SUMF1: variants seen among roughly 807,000 people sequenced by gnomAD.
The protein encoded by SUMF1 is formylglycine-generating enzyme.
A neutral mutation model predicts 47.6 loss-of-function variants in SUMF1; 48 were observed. The observed-to-expected ratio is 1.01, with a 90% CI of 0.80 to 1.28. The LOEUF is 1.28. Among genes scored for constraint, SUMF1 ranks in the 50% most tolerant of loss-of-function variants. The pLI is 0.00. For synonymous variants in SUMF1, 230 were observed against 192.1 expected (o/e 1.20, Z -1.63); for missense variants, 571 against 485.4 (o/e 1.18, Z -1.66).
At chr3:4,456,055 A>C (rs1703150172) in intron 1 of SUMF1, among the ~76,000 whole-genome samples, 1 of 152,228 alleles carries the variant, frequency 6.6e-6, no homozygotes, top group Non-Finnish European at 1.5e-5. Flanking sequence ...CCTAGGATCA[A>C]AGGATGATTC....
intron 8 of SUMF1, among the ~76,000 whole-genome samples, chr3:4,366,870 G>C (rs1699980498): frequency 2.6e-5 from 4 of 152,118 alleles, no homozygotes. Flanking sequence ...GGTGTTTGAT[G>C]ATGGTGATGT....
At chr3:4,176,128 A>G (rs1370172956) in intron 8 of SUMF1, among the ~76,000 whole-genome samples, 1 of 152,198 alleles carries the variant, frequency 6.6e-6, no homozygotes, top group African/African-American at 2.4e-5. Context: ...GATATTATCC[A>G]GGAGAACTTT....
intron 8 of SUMF1, among the ~76,000 whole-genome samples, chr3:4,208,219 T>C (rs1162645386): frequency 6.6e-6 from 1 of 151,968 alleles, no homozygotes; most frequent in East Asian, 1.9e-4. Flanking sequence ...GGAAAAGAAA[T>C]ACCCAACTCC....
chr3:4,267,637 G>A (rs540660604), intron 8 of SUMF1, among the ~76,000 whole-genome samples: 1 of 151,900 alleles, frequency 6.6e-6, no homozygotes, highest in Non-Finnish European at 1.5e-5. Context: ...ATGAAAAAAT[G>A]CTCACCATAA....
Position 4,362,170 on chromosome 3 carries a change from C to T in SUMF1, c.1099G>A (p.Ala367Thr). Reference protein sequence around the residue: ...SASNLGFRCAADRLPTMD With the variant: ...SASNLGFRCATDRLPTMD ...CAGTCCATAGTGGGCAGGCGGTCGGCTGCACAGCGGAATCCCAGATTCGAA... is the reference window on the plus strand; with the variant it reads ...CAGTCCATAGTGGGCAGGCGGTCGGTTGCACAGCGGAATCCCAGATTCGAA... The change falls in exon 9 of 9, where the codon GCC (alanine) becomes ACC (threonine). Residue 367 changes from alanine (A) to threonine (T), a missense_variant. By Grantham distance (58) the Ala-to-Thr change is moderately conservative. Coordinates refer to ENST00000272902, the MANE Select transcript of SUMF1 (RefSeq NM_182760.4). 2.5e-6 allele frequency: 4 copies of T among 1,614,196 alleles called. No individual in the cohort carries two copies. The highest frequency in any genetic ancestry group is 1.7e-4 in the Middle Eastern group (1 of 6,052).
At chr3:4,438,783 G>A (rs1394705842) in intron 3 of SUMF1, among the ~76,000 whole-genome samples, 1 of 152,020 alleles carries the variant, frequency 6.6e-6, no homozygotes, top group Non-Finnish European at 1.5e-5. Context: ...TAGAAAATTT[G>A]CACAGCAAAA....
intron 7 of SUMF1, among the ~76,000 whole-genome samples, chr3:4,385,046 C>T (rs1433072678): frequency 1.3e-5 from 2 of 151,904 alleles, no homozygotes; most frequent in Admixed American, 1.3e-4. Context: ...CCACCAGGCC[C>T]AGCTAATTTC....
At chr3:4,121,580 T>C (rs749251758) in intron 8 of SUMF1, among the ~76,000 whole-genome samples, 1 of 152,132 alleles carries the variant, frequency 6.6e-6, no homozygotes, top group Non-Finnish European at 1.5e-5. Context: ...ATTTGAAAAG[T>C]AAACACATGC....
chr3:4,062,295 T>G (rs902812670), intron 9 of SUMF1, among the ~76,000 whole-genome samples: 2 of 152,134 alleles, frequency 1.3e-5, no homozygotes, highest in Non-Finnish European at 1.5e-5. Context: ...AGTCAGAAAC[T>G]TAACTGCTCA....
At chr3:4,437,903 C>A (rs547222979) in intron 3 of SUMF1, among the ~76,000 whole-genome samples, 19 of 151,870 alleles carry the variant, frequency 1.3e-4, no homozygotes, top group African/African-American at 4.3e-4. Flanking sequence ...CGTGCCACTG[C>A]GCTCCAGCCT....
In SUMF1 at chr3:4,449,298, T is replaced by A. The variant is rs1188372508; in HGVS notation, c.487A>T (p.Ser163Cys). 1 of 1,614,040 alleles carries A rather than the reference T, an allele frequency of 6.2e-7. No homozygotes were observed. The highest frequency in any genetic ancestry group is 2.2e-5 in the East Asian group (1 of 44,886). Reference protein sequence around the residue: ...GDSFVFEGMLSEQVKTNIQQA... With the variant: ...GDSFVFEGMLCEQVKTNIQQA... ...TGAATATTGGTCTTCACTTGCTCACTCAACATGCCTTCAAAGACAAAGGAG... is the reference window on the plus strand; with the variant it reads ...TGAATATTGGTCTTCACTTGCTCACACAACATGCCTTCAAAGACAAAGGAG... Residue 163 changes from serine to cysteine, a missense_variant, in exon 3 of 9, where the codon AGT (serine) becomes TGT (cysteine). Ser to Cys is a moderately radical substitution (Grantham distance 112). Transcript: ENST00000272902.
At chr3:4,094,390 A>G (rs1692855534) in intron 8 of SUMF1, among the ~76,000 whole-genome samples, 1 of 152,062 alleles carries the variant, frequency 6.6e-6, no homozygotes, top group African/African-American at 2.4e-5. Flanking sequence ...AATGGAAGGT[A>G]CCCAAGCAAC....
intron 8 of SUMF1, among the ~76,000 whole-genome samples, chr3:4,110,845 G>C (rs1381894947): frequency 8.5e-6 from 1 of 117,784 alleles, no homozygotes; most frequent in Non-Finnish European, 1.7e-5. Flanking sequence ...GCCTGTTGTG[G>C]GGTGGGGGGA....
At chr3:4,061,934 T>C (rs1695283017) in intron 9 of SUMF1, among the ~76,000 whole-genome samples, 1 of 152,106 alleles carries the variant, frequency 6.6e-6, no homozygotes, top group African/African-American at 2.4e-5. Flanking sequence ...GATGATGCTA[T>C]AGCCATTTGA....
At chr3:4,108,772 G>T (rs1293764026) in intron 8 of SUMF1, among the ~76,000 whole-genome samples, 1 of 151,996 alleles carries the variant, frequency 6.6e-6, no homozygotes, top group Non-Finnish European at 1.5e-5. Context: ...TTTTCCATTT[G>T]CTTGGTAGAT....
chr3:4,055,568 G>T (rs577812440), intron 9 of SUMF1, among the ~76,000 whole-genome samples: 2 of 151,976 alleles, frequency 1.3e-5, no homozygotes, highest in Non-Finnish European at 2.9e-5. Context: ...CTGTAATCTT[G>T]AACTCCTGAA....
chr3:4,059,883 G>T (rs995322520), intron 9 of SUMF1, among the ~76,000 whole-genome samples: 1 of 151,950 alleles, frequency 6.6e-6, no homozygotes, highest in Non-Finnish European at 1.5e-5. Flanking sequence ...GCTGGATAAG[G>T]AGAATAAAAA....
At chr3:4,244,156 T>C (rs1696607188) in intron 8 of SUMF1, among the ~76,000 whole-genome samples, 1 of 152,184 alleles carries the variant, frequency 6.6e-6, no homozygotes, top group Admixed American at 6.5e-5. Context: ...TATGTGTGTC[T>C]TTGCATGTGA....
chr3:4,204,564 T>A (rs1695610336), intron 8 of SUMF1, among the ~76,000 whole-genome samples: 1 of 152,134 alleles, frequency 6.6e-6, no homozygotes, highest in Admixed American at 6.5e-5. Context: ...TTGAATAAAT[T>A]TTATGGTCCA....
Sources: allele counts gnomAD v4.1 joint callset (sites outside exome capture counted in the v4.1 genomes callset), GRCh38; gene constraint gnomAD v4.1.1; transcripts MANE v1.5; gene names NCBI Gene and HGNC (gene_info 2026-07-23, HGNC 2026-07-21).